ASTN2: variants seen among roughly 807,000 people sequenced by gnomAD.
ASTN2 encodes astrotactin 2, also known as astrotactin-2.
In ASTN2, 54 loss-of-function variants were observed where a neutral mutation model predicts 139.8. That is an observed-to-expected ratio of 0.39 (90% confidence interval 0.31 to 0.48). The LOEUF is 0.48. Ranked by LOEUF, ASTN2 falls within the 20% of genes least tolerant of loss-of-function variation. The pLI is 0.95. For synonymous variants in ASTN2, 756 were observed against 719.5 expected, an observed-to-expected ratio of 1.05 and a Z score of -0.81; for missense variants, 1,565 against 1,725.1, an observed-to-expected ratio of 0.91 and a Z score of 1.64.
At chr9:116,847,189 C>T (rs1471514607) in intron 11 of ASTN2, among the ~76,000 whole-genome samples, 1 of 152,138 alleles carries the variant, frequency 6.6e-6, no homozygotes, top group African/African-American at 2.4e-5. Flanking sequence ...AATCTCGGCT[C>T]ACTGCAACCT....
At chr9:117,319,057 G>A (rs922858207) in intron 1 of ASTN2, among the ~76,000 whole-genome samples, 5 of 152,146 alleles carry the variant, frequency 3.3e-5, no homozygotes, top group African/African-American at 1.2e-4. Flanking sequence ...TCTTCCAAAG[G>A]TGAACAATTT....
chr9:116,656,662 G>A (rs941015707), intron 16 of ASTN2, among the ~76,000 whole-genome samples: 6 of 141,288 alleles, frequency 4.2e-5, no homozygotes, highest in Non-Finnish European at 7.6e-5. Flanking sequence ...AATTCCTGCT[G>A]GGTATTATTT....
At chr9:116,871,134 T>C (rs998822250) in intron 10 of ASTN2, among the ~76,000 whole-genome samples, 104 of 152,224 alleles carry the variant, frequency 6.8e-4, no homozygotes, top group African/African-American at 2.2e-3. Flanking sequence ...GGTGGGCACC[T>C]GTAGTCCCAG....
At chr9:116,512,911 G>A (rs1850463325) in intron 19 of ASTN2, among the ~76,000 whole-genome samples, 2 of 152,102 alleles carry the variant, frequency 1.3e-5, no homozygotes, top group South Asian at 4.2e-4. Context: ...CATGAGATGG[G>A]TATCCTGAAT....
chr9:116,699,110 C>CT lies in ASTN2; in HGVS notation c.2806+26660dup, dbSNP rs35904234. The CT allele has an allele frequency of 1.2e-6, 2 of 1,613,924 alleles. No individual in the cohort carries two copies. The highest frequency in any genetic ancestry group is 2.7e-5 in the African/African-American group (2 of 74,914). ...ATGATAACTCCCTCAAGGTATATAC[C>CT]TTGGATGGCCACTGCGTGGCCTGTC... On this transcript the variant is annotated intron_variant, in intron 16 of 22. Transcript: ENST00000313400. The surrounding 1 kb of genome is among the most constrained non-coding windows in gnomAD (Gnocchi z 4.2).
intron 16 of ASTN2, among the ~76,000 whole-genome samples, chr9:116,665,374 G>A (rs1264107050): frequency 1.3e-5 from 2 of 152,050 alleles, no homozygotes; most frequent in African/African-American, 4.8e-5. Flanking sequence ...ACTAATTCAG[G>A]TATTAAGAAG....
At chr9:117,107,635 G>A (rs754646289) in intron 4 of ASTN2, among the ~76,000 whole-genome samples, 5 of 152,086 alleles carry the variant, frequency 3.3e-5, no homozygotes, top group Non-Finnish European at 7.4e-5. Context: ...GATCTGACCC[G>A]CATAGAGCAA....
chr9:116,545,738 T>G (rs745879030), intron 19 of ASTN2: 1 of 152,188 alleles, frequency 6.6e-6, no homozygotes, highest in Non-Finnish European at 1.5e-5. Flanking sequence ...ACAAACATTT[T>G]CTGAATATAG....
intron 10 of ASTN2, among the ~76,000 whole-genome samples, chr9:116,872,629 G>GACTC (rs1274207810): frequency 2.0e-5 from 3 of 152,074 alleles, no homozygotes; most frequent in Admixed American, 2.0e-4. Context: ...CCACAAAGAT[G>GACTC]ACTCTCTCTC....
At chr9:116,427,135 C>T (rs377475543) in intron 22 of ASTN2, among the ~76,000 whole-genome samples, 4 of 152,068 alleles carry the variant, frequency 2.6e-5, no homozygotes, top group South Asian at 2.1e-4. Flanking sequence ...GTGGCATTAT[C>T]GACATTCTGG....
At chr9:116,455,091 A>G (rs1324546029) in intron 20 of ASTN2, among the ~76,000 whole-genome samples, 1 of 152,078 alleles carries the variant, frequency 6.6e-6, no homozygotes, top group African/African-American at 2.4e-5. Flanking sequence ...GCTCACGCCC[A>G]TAATCCCAGC....
In ASTN2 at chr9:116,998,586, C is replaced by T. The variant is rs368899041; in HGVS notation, c.1591+9506G>A. On this transcript the variant is annotated intron_variant, in intron 7 of 22. Coordinates refer to ENST00000313400, the MANE Select transcript of ASTN2 (RefSeq NM_001365068.1). ...CCATCCATCCATACATCCATCCATACATCCATGCATCCATGCATCCAAGAA... is the reference window on the plus strand; with the variant it reads ...CCATCCATCCATACATCCATCCATATATCCATGCATCCATGCATCCAAGAA... Among the ~76,000 whole-genome samples the T allele has an allele frequency of 6.7e-4, 89 of 133,530 alleles. 1 individual carries two copies. The highest frequency in any genetic ancestry group is 6.6e-3 in the East Asian group (29 of 4,406). 87.6% of individuals were successfully genotyped at this position (133,530 alleles called of 152,430 possible).
At chr9:116,712,312 A>T (rs1207462930) in intron 16 of ASTN2, among the ~76,000 whole-genome samples, 1 of 152,186 alleles carries the variant, frequency 6.6e-6, no homozygotes, top group East Asian at 1.9e-4. Flanking sequence ...CCAGGTGTTC[A>T]TGCCACACTT....
intron 1 of ASTN2, among the ~76,000 whole-genome samples, chr9:117,308,784 T>A (rs1329537558): frequency 1.3e-5 from 2 of 151,420 alleles, no homozygotes; most frequent in African/African-American, 2.4e-5. Context: ...AAAAAAAAAA[T>A]AACAAACACT....
intron 19 of ASTN2, among the ~76,000 whole-genome samples, chr9:116,538,574 T>G (rs1198847404): frequency 6.6e-6 from 1 of 152,164 alleles, no homozygotes; most frequent in Non-Finnish European, 1.5e-5. Context: ...GTTTTAAGGT[T>G]TTGTGTCCTA....
intron 1 of ASTN2, among the ~76,000 whole-genome samples, chr9:117,309,029 A>G (rs1289377744): frequency 6.6e-6 from 1 of 152,222 alleles, no homozygotes; most frequent in Non-Finnish European, 1.5e-5. Context: ...CCTATTATGC[A>G]TGTTTTCCTG....
intron 13 of ASTN2, among the ~76,000 whole-genome samples, chr9:116,737,609 A>ATGTG (rs1477655413): frequency 4.3e-3 from 87 of 20,170 alleles, no homozygotes; most frequent in South Asian, 7.4e-3. Context: ...TCATGTGCCA[A>ATGTG]CGTGTGTGTG....
At chr9:116,711,265 C>T (rs1828148238) in intron 16 of ASTN2, among the ~76,000 whole-genome samples, 1 of 152,218 alleles carries the variant, frequency 6.6e-6, no homozygotes, top group Non-Finnish European at 1.5e-5. Flanking sequence ...ACTACAACTA[C>T]TCTTCAATGC....
At chr9:117,400,497 G>A (rs1233159263) in intron 1 of ASTN2, among the ~76,000 whole-genome samples, 1 of 152,202 alleles carries the variant, frequency 6.6e-6, no homozygotes, top group Admixed American at 6.5e-5. Flanking sequence ...GGGAGGGACA[G>A]TAGGAACCCT....
Sources: gnomAD v4.1 joint callset for allele counts (sites outside exome capture counted in the v4.1 genomes callset) on GRCh38, gnomAD v4.1.1 for gene constraint, Gnocchi (gnomAD v3.1) non-coding constraint, MANE v1.5 for transcripts, NCBI Gene and HGNC (gene_info 2026-07-23, HGNC 2026-07-21) for gene names.